BBS9: variants seen among roughly 807,000 people sequenced by gnomAD.
BBS9 encodes the protein Bardet-Biedl syndrome 9.
BBS9 carries 89 observed loss-of-function variants against 117.7 expected under a neutral mutation model. That is an observed-to-expected ratio of 0.76 (90% CI 0.64 to 0.90). The LOEUF is 0.90. Among genes scored for constraint, BBS9 ranks in the 40% least tolerant of loss-of-function variants. The probability of loss-of-function intolerance (pLI) is 0.00; values close to 1 mark genes in which losing one functional copy is unlikely to be tolerated. For missense variants in BBS9, 982 were observed against 1,042.2 expected, an observed-to-expected ratio of 0.94 and a Z score of 0.80; for synonymous variants, 379 against 370.9, an observed-to-expected ratio of 1.02 and a Z score of -0.25.
At chr7:33,617,862 A>G (rs1332521310) in intron 21 of BBS9, among the ~76,000 whole-genome samples, 3 of 152,166 alleles carry the variant, frequency 2.0e-5, no homozygotes, top group Non-Finnish European at 4.4e-5. Flanking sequence ...ACAAAAAGAT[A>G]AAATAATGTA....
At chr7:33,273,596 G>C (rs13226298) in intron 8 of BBS9, among the ~76,000 whole-genome samples, 3,758 of 152,234 alleles carry the variant, frequency 0.025, 69 homozygotes, top group Middle Eastern at 0.044. Context: ...ATGCTTTCTA[G>C]ATGAAATGCA....
intron 21 of BBS9, among the ~76,000 whole-genome samples, chr7:33,541,114 G>A (rs1420046214): frequency 1.3e-5 from 2 of 152,084 alleles, no homozygotes; most frequent in Middle Eastern, 3.4e-3. Flanking sequence ...AGCTACCACT[G>A]TAATTCGTAT....
intron 9 of BBS9, among the ~76,000 whole-genome samples, chr7:33,317,794 G>A (rs956377177): frequency 1.3e-5 from 2 of 152,196 alleles, no homozygotes; most frequent in East Asian, 3.9e-4. Context: ...GCTCACGCCT[G>A]TAAGCTCAGC....
At chr7:33,414,961 C>A (rs968957640) in intron 19 of BBS9, among the ~76,000 whole-genome samples, 1 of 152,090 alleles carries the variant, frequency 6.6e-6, no homozygotes, top group African/African-American at 2.4e-5. Context: ...GAAATCACAA[C>A]TTCAAATTGA....
intron 7 of BBS9, among the ~76,000 whole-genome samples, chr7:33,271,540 A>G (rs1384358368): frequency 6.6e-6 from 1 of 152,236 alleles, no homozygotes; most frequent in East Asian, 1.9e-4. Context: ...GCAAATGGAA[A>G]AAAGCAGGAG....
intron 19 of BBS9, among the ~76,000 whole-genome samples, chr7:33,414,735 C>G (rs1158490398): frequency 2.0e-5 from 3 of 152,124 alleles, no homozygotes; most frequent in Non-Finnish European, 4.4e-5. Flanking sequence ...ATGAACAATG[C>G]TGCAGTGAAC....
intron 19 of BBS9, among the ~76,000 whole-genome samples, chr7:33,418,080 A>G (rs1832296014): frequency 6.6e-6 from 1 of 152,128 alleles, no homozygotes; most frequent in African/African-American, 2.4e-5. Flanking sequence ...GGTGTCTCTA[A>G]GTTTATAGAA....
rs539078568 is a variant in BBS9 at position 33,312,613 on chromosome 7, T to C, written c.1017-23828T>C. 3.3e-5 allele frequency among the ~76,000 whole-genome samples: 5 copies of C among 152,318 alleles called. No homozygotes were observed. In the East Asian group the frequency reaches 7.7e-4, roughly 24 times the overall value. ...CCTTATGCACCTTTCATTTTTATCA[T>C]AATTTTTCCATTTCAAGCCTCTTGG... On this transcript the variant is annotated intron_variant, in intron 9 of 22. Coordinates refer to ENST00000242067, the MANE Select transcript of BBS9 (RefSeq NM_198428.3).
chr7:33,136,503 G>A (rs1790484002), intron 1 of BBS9, among the ~76,000 whole-genome samples: 1 of 152,186 alleles, frequency 6.6e-6, no homozygotes, highest in Non-Finnish European at 1.5e-5. Flanking sequence ...TTGCATAGAT[G>A]TCTTTTATCA....
chr7:33,376,855 GTGTC>G lies in BBS9; in HGVS notation c.1790-6807_1790-6804del, dbSNP rs370772765. On this transcript the variant is annotated intron_variant, in intron 17 of 22. Coordinates refer to ENST00000242067, the MANE Select transcript of BBS9 (RefSeq NM_198428.3). ...CCATATGTATGTCTTCTTTTGAAAA[GTGTC>G]TGTTCGTATCCTTTGCTCACTTTTT... 7.0e-3 allele frequency among the ~76,000 whole-genome samples: 1,059 copies of G among 152,172 alleles called. 9 individuals carry two copies. Among genetic ancestry groups the G allele is most frequent in the African/African-American group, 0.024 (987 of 41,526 alleles).
At chr7:33,150,347 A>C (rs1480980647) in intron 2 of BBS9, among the ~76,000 whole-genome samples, 2 of 152,196 alleles carry the variant, frequency 1.3e-5, no homozygotes, top group East Asian at 1.9e-4. Flanking sequence ...GCTATCTTAC[A>C]TGTGGTTTGG....
At chr7:33,281,366 CTTTTTTT>C (rs397890694) in intron 9 of BBS9, among the ~76,000 whole-genome samples, 2 of 43,850 alleles carry the variant, frequency 4.6e-5, no homozygotes, top group African/African-American at 1.9e-4. Context: ...TGGTCTATGC[CTTTTTTT>C]TTTTTTTTTT....
intron 5 of BBS9, among the ~76,000 whole-genome samples, chr7:33,212,437 A>C (rs1788202054): frequency 6.6e-6 from 1 of 152,092 alleles, no homozygotes; most frequent in African/African-American, 2.4e-5. Flanking sequence ...TCTCTTTGTT[A>C]CATTTATCTG....
intron 5 of BBS9, among the ~76,000 whole-genome samples, chr7:33,243,699 A>G (rs1794896582): frequency 6.6e-6 from 1 of 152,170 alleles, no homozygotes; most frequent in Non-Finnish European, 1.5e-5. Flanking sequence ...CAAGTTCCTT[A>G]AAAATGGTTA....
chr7:33,282,513 A>C (rs1286207998), intron 9 of BBS9, among the ~76,000 whole-genome samples: 1 of 152,106 alleles, frequency 6.6e-6, no homozygotes, highest in East Asian at 1.9e-4. Context: ...GTGGGATTAC[A>C]GGTGCCCGCC....
chr7:33,196,202 A>C (rs1784907300), intron 5 of BBS9, among the ~76,000 whole-genome samples: 1 of 152,132 alleles, frequency 6.6e-6, no homozygotes, highest in African/African-American at 2.4e-5. Context: ...TATTTTAAAA[A>C]ATTAAAAAAA....
intron 1 of BBS9, among the ~76,000 whole-genome samples, chr7:33,132,984 C>T (rs968505311): frequency 1.1e-4 from 17 of 152,076 alleles, no homozygotes; most frequent in Non-Finnish European, 1.6e-4. Context: ...AAGATGAGGT[C>T]TCACTATGTT....
At chr7:33,598,623 T>A (rs562003452) in intron 21 of BBS9, among the ~76,000 whole-genome samples, 14 of 152,354 alleles carry the variant, frequency 9.2e-5, no homozygotes, top group Admixed American at 9.2e-4. Context: ...TACTAGCTGA[T>A]AAATTTTTCT....
At chr7:33,408,333 C>T (rs1584708935) in intron 19 of BBS9, among the ~76,000 whole-genome samples, 1 of 152,138 alleles carries the variant, frequency 6.6e-6, no homozygotes, top group Non-Finnish European at 1.5e-5. Context: ...TTCCAGGTGC[C>T]GTCTGTCACC....
Sources: allele counts gnomAD v4.1 joint callset (sites outside exome capture counted in the v4.1 genomes callset), GRCh38; gene constraint gnomAD v4.1.1; transcripts MANE v1.5; gene names NCBI Gene and HGNC (gene_info 2026-07-23, HGNC 2026-07-21).